SLC24A2: variants seen among roughly 807,000 people sequenced by gnomAD.
SLC24A2 encodes the protein sodium/potassium/calcium exchanger 2.
Under a neutral mutation model 62.0 loss-of-function variants are expected in SLC24A2, and 36 were observed. The ratio of observed to expected loss-of-function variants is 0.58; its 90% confidence interval spans 0.44 to 0.77. SLC24A2 has a LOEUF of 0.77. SLC24A2 is among the 30% of genes least tolerant of loss of function. The pLI, the probability that SLC24A2 is intolerant of heterozygous loss-of-function variation, is 0.00. For synonymous variants in SLC24A2, 358 were observed against 294.0 expected, an observed-to-expected ratio of 1.22 and a Z score of -2.23; for missense variants, 846 against 817.9, an observed-to-expected ratio of 1.03 and a Z score of -0.42.
intron 2 of SLC24A2, among the ~76,000 whole-genome samples, chr9:19,654,254 G>C (rs769430871): frequency 2.6e-5 from 4 of 152,182 alleles, no homozygotes; most frequent in Non-Finnish European, 5.9e-5. Context: ...TCGTCCTGCT[G>C]CTTGAATAAG....
At chr9:20,250,924 T>C in the SLC24A2 span, among the ~76,000 whole-genome samples, 145 of 152,242 alleles carry the variant, frequency 9.5e-4, 1 homozygote, top group Non-Finnish European at 1.7e-3. Flanking sequence ...GACAGCCTGA[T>C]TCCTCGAAGC....
At chr9:19,535,271 G>A (rs1224806088) in intron 8 of SLC24A2, among the ~76,000 whole-genome samples, 1 of 152,138 alleles carries the variant, frequency 6.6e-6, no homozygotes, top group African/African-American at 2.4e-5. Flanking sequence ...CAGATGGATA[G>A]ATTGCAAAAT....
chr9:20,037,871 C>T, the SLC24A2 span, among the ~76,000 whole-genome samples: 1 of 152,302 alleles, frequency 6.6e-6, no homozygotes, highest in East Asian at 1.9e-4. Context: ...AGCTCTTCAA[C>T]TAAGGGCCAG....
chr9:19,575,717 G>A (rs1293326487), intron 6 of SLC24A2, among the ~76,000 whole-genome samples: 4 of 152,232 alleles, frequency 2.6e-5, no homozygotes, highest in African/African-American at 9.6e-5. Context: ...GTCTAAGGTT[G>A]GCCAGTCATT....
the SLC24A2 span, among the ~76,000 whole-genome samples, chr9:20,064,341 C>T: frequency 6.6e-6 from 1 of 152,106 alleles, no homozygotes; most frequent in East Asian, 1.9e-4. Flanking sequence ...TCATTGCAAA[C>T]AGATTTGTGA....
chr9:20,256,383 T>C, the SLC24A2 span, among the ~76,000 whole-genome samples: 1 of 152,200 alleles, frequency 6.6e-6, no homozygotes, highest in African/African-American at 2.4e-5. Flanking sequence ...CTTCTGGGAA[T>C]ACTCAAGAAC....
the SLC24A2 span, among the ~76,000 whole-genome samples, chr9:20,265,654 T>C: frequency 6.6e-6 from 1 of 152,170 alleles, no homozygotes; most frequent in Non-Finnish European, 1.5e-5. Flanking sequence ...GCATGTGTGT[T>C]TGAACAATAT....
At chr9:19,695,445 C>G (rs1468177437) in intron 2 of SLC24A2, among the ~76,000 whole-genome samples, 1 of 151,784 alleles carries the variant, frequency 6.6e-6, no homozygotes, top group African/African-American at 2.4e-5. Flanking sequence ...AACCAAACAA[C>G]TGAATAAGAA....
chr9:20,279,969 G>C, the SLC24A2 span, among the ~76,000 whole-genome samples: 17 of 152,314 alleles, frequency 1.1e-4, no homozygotes, highest in African/African-American at 4.1e-4. Context: ...TTACTGAATG[G>C]TCCCATCTTT....
the SLC24A2 span, among the ~76,000 whole-genome samples, chr9:20,131,367 A>G: frequency 1.3e-5 from 2 of 152,158 alleles, no homozygotes; most frequent in African/African-American, 4.8e-5. Context: ...GATGAAGTGG[A>G]CACAGAATCC....
the SLC24A2 span, among the ~76,000 whole-genome samples, chr9:19,882,840 G>A: frequency 6.6e-6 from 1 of 152,068 alleles, no homozygotes; most frequent in South Asian, 2.1e-4. Context: ...CTCCTAAACT[G>A]AGCTGTGCCC....
the SLC24A2 span, among the ~76,000 whole-genome samples, chr9:19,820,040 TACATATATATATATAC>T: frequency 4.1e-3 from 87 of 21,044 alleles, 1 homozygote; most frequent in Middle Eastern, 0.033. Context: ...TATATATATA[TACATATATATATATAC>T]ACATATATAT....
At position 19,771,700 on chromosome 9, in the gene SLC24A2, A is replaced by T. The variant is rs143271380; in HGVS notation, c.930+14237T>A. Among the ~76,000 whole-genome samples the T allele has an allele frequency of 1.2e-3, 186 of 152,300 alleles. 1 individual carries two copies. The highest frequency in any genetic ancestry group is 4.2e-3 in the African/African-American group (174 of 41,580). On this transcript the variant is annotated intron_variant, in intron 2 of 10. Transcript: ENST00000341998. ...CTTTGAACCAATTGTGCATTTTTGT[A>T]TAAAGCATGATCATGTGGTTAAGTT...
At chr9:19,696,738 A>C (rs566668450) in intron 2 of SLC24A2, among the ~76,000 whole-genome samples, 1 of 152,332 alleles carries the variant, frequency 6.6e-6, no homozygotes, top group Non-Finnish European at 1.5e-5. Flanking sequence ...CTCCACAAAC[A>C]TAGCACTTCT....
At chr9:19,718,239 T>C (rs1179378947) in intron 2 of SLC24A2, among the ~76,000 whole-genome samples, 2 of 149,858 alleles carry the variant, frequency 1.3e-5, no homozygotes, top group Non-Finnish European at 3.0e-5. Context: ...CCTCCCAAAG[T>C]GCTGGGATTA....
intron 2 of SLC24A2, among the ~76,000 whole-genome samples, chr9:19,725,206 A>G (rs1821136688): frequency 6.6e-6 from 1 of 152,206 alleles, no homozygotes; most frequent in Non-Finnish European, 1.5e-5. Flanking sequence ...AAAGATCCAC[A>G]GTGCTCAGGT....
the SLC24A2 span, among the ~76,000 whole-genome samples, chr9:19,942,928 G>T: frequency 2.6e-5 from 4 of 152,158 alleles, no homozygotes; most frequent in African/African-American, 9.7e-5. Flanking sequence ...TCCAAAGAAT[G>T]ACCCCGAATG....
chr9:19,532,517 TC>T (rs1833758936), intron 8 of SLC24A2, among the ~76,000 whole-genome samples: 2 of 152,228 alleles, frequency 1.3e-5, no homozygotes, highest in African/African-American at 4.8e-5. Flanking sequence ...AAAATTTTTT[TC>T]CTGAATATTT....
chr9:20,070,139 T>C, the SLC24A2 span, among the ~76,000 whole-genome samples: 13 of 152,304 alleles, frequency 8.5e-5, no homozygotes, highest in East Asian at 1.2e-3. Context: ...CATCAAACAA[T>C]TGAAACAACT....
Sources: gnomAD v4.1 joint callset for allele counts (sites outside exome capture counted in the v4.1 genomes callset) on GRCh38, gnomAD v4.1.1 for gene constraint, MANE v1.5 for transcripts, NCBI Gene and HGNC (gene_info 2026-07-23, HGNC 2026-07-21) for gene names.